NRG1: variants seen among roughly 807,000 people sequenced by gnomAD.
NRG1 encodes the protein neuregulin 1.
NRG1 carries 18 observed loss-of-function variants against 63.8 expected under a neutral mutation model. That is an observed-to-expected ratio of 0.28 (90% CI 0.19 to 0.42). The LOEUF (loss-of-function observed/expected upper bound fraction) is 0.42, where lower values mean the gene tolerates loss of function less well. Among genes scored for constraint, NRG1 ranks in the 10% least tolerant of loss-of-function variants. The probability of loss-of-function intolerance (pLI) is 1.00; values close to 1 mark genes in which losing one functional copy is unlikely to be tolerated. For missense variants in NRG1, 762 were observed against 814.7 expected, an observed-to-expected ratio of 0.94 and a Z score of 0.79; for synonymous variants, 302 against 301.3, an observed-to-expected ratio of 1.00 and a Z score of -0.02.
At chr8:31,827,005 G>A (rs1246796954) in intron 1 of NRG1, among the ~76,000 whole-genome samples, 1 of 152,158 alleles carries the variant, frequency 6.6e-6, no homozygotes, top group African/African-American at 2.4e-5. Context: ...GGCAGGCAGT[G>A]ACCTTAAAAC....
chr8:31,769,660 T>A (rs1299743808), intron 1 of NRG1, among the ~76,000 whole-genome samples: 1 of 151,762 alleles, frequency 6.6e-6, no homozygotes, highest in Non-Finnish European at 1.5e-5. Context: ...CACACAAGAG[T>A]CTCCCAACTT....
At chr8:32,551,000 G>T (rs1330211010) in intron 1 of NRG1, among the ~76,000 whole-genome samples, 1 of 152,176 alleles carries the variant, frequency 6.6e-6, no homozygotes, top group African/African-American at 2.4e-5. Context: ...GATTCAGAAA[G>T]AATGGTCAAC....
chr8:31,750,024 C>T (rs1353404208), intron 1 of NRG1, among the ~76,000 whole-genome samples: 3 of 151,936 alleles, frequency 2.0e-5, no homozygotes, highest in African/African-American at 7.2e-5. Context: ...TCCATTCTCT[C>T]AATACCACCT....
chr8:32,506,480 C>T (rs1232616506), intron 1 of NRG1, among the ~76,000 whole-genome samples: 3 of 152,112 alleles, frequency 2.0e-5, no homozygotes, highest in Non-Finnish European at 4.4e-5. Flanking sequence ...TATGATTTTC[C>T]TCCTTATGAC....
rs182245550 is a variant in NRG1 at position 32,341,574 on chromosome 8, A to G, written c.38-254254A>G. ...ATTACACCAAAGGAGCAGGAACCCA[A>G]TGTCACAGGTCCCCTAACTCCTGCC... On this transcript the variant is annotated intron_variant, in intron 1 of 10. Transcript: ENST00000519301. Among the ~76,000 whole-genome samples the G allele has an allele frequency of 3.8e-3, 578 of 152,300 alleles. 7 individuals carry two copies. The highest frequency in any genetic ancestry group is 5.6e-3 in the Non-Finnish European group (378 of 68,034).
chr8:32,126,827 T>G (rs1396896382), intron 1 of NRG1, among the ~76,000 whole-genome samples: 2 of 151,938 alleles, frequency 1.3e-5, no homozygotes, highest in African/African-American at 4.8e-5. Flanking sequence ...GAGTCTTAGC[T>G]GTGCATTGCC....
chr8:32,478,727 G>C (rs1225130441), intron 1 of NRG1, among the ~76,000 whole-genome samples: 2 of 152,148 alleles, frequency 1.3e-5, no homozygotes, highest in Non-Finnish European at 2.9e-5. Flanking sequence ...CGAGAGCCAA[G>C]GGTTAAACCA....
intron 1 of NRG1, among the ~76,000 whole-genome samples, chr8:32,426,623 G>T (rs990058119): frequency 3.3e-5 from 5 of 152,190 alleles, no homozygotes; most frequent in East Asian, 1.9e-4. Context: ...GTAGACACAG[G>T]CCCTTCTCTC....
At chr8:31,686,090 G>A (rs1808861931) in intron 1 of NRG1, among the ~76,000 whole-genome samples, 1 of 152,042 alleles carries the variant, frequency 6.6e-6, no homozygotes, top group Non-Finnish European at 1.5e-5. Flanking sequence ...TGGATATAAA[G>A]CACTCTTATT....
chr8:32,684,193 T>C (rs1809464483), intron 5 of NRG1, among the ~76,000 whole-genome samples: 1 of 152,142 alleles, frequency 6.6e-6, no homozygotes. Flanking sequence ...GCTCTAGAAT[T>C]CTTAGGGCAT....
At chr8:31,748,226 TAAC>T (rs1462546206) in intron 1 of NRG1, among the ~76,000 whole-genome samples, 1 of 151,988 alleles carries the variant, frequency 6.6e-6, no homozygotes, top group African/African-American at 2.4e-5. Flanking sequence ...TTTATGATAA[TAAC>T]AACAAATACT....
At chr8:31,717,008 G>A (rs938187884) in intron 1 of NRG1, among the ~76,000 whole-genome samples, 5 of 152,182 alleles carry the variant, frequency 3.3e-5, no homozygotes, top group Non-Finnish European at 7.3e-5. Flanking sequence ...GGTAATAAAA[G>A]TCACAACCAA....
At chr8:31,698,855 A>G (rs1810346255) in intron 1 of NRG1, among the ~76,000 whole-genome samples, 1 of 152,232 alleles carries the variant, frequency 6.6e-6, no homozygotes, top group Non-Finnish European at 1.5e-5. Flanking sequence ...AATATGTTAC[A>G]GTACAACCTT....
intron 1 of NRG1, among the ~76,000 whole-genome samples, chr8:31,982,311 A>T (rs1351931791): frequency 6.6e-6 from 1 of 152,084 alleles, no homozygotes; most frequent in Non-Finnish European, 1.5e-5. Context: ...AGTAACATAG[A>T]TTTGAAAAGA....
intron 1 of NRG1, among the ~76,000 whole-genome samples, chr8:32,412,481 G>A (rs1379839989): frequency 1.0e-5 from 1 of 96,648 alleles, no homozygotes; most frequent in East Asian, 2.7e-4. Flanking sequence ...TATATGAACA[G>A]ATACATCCTA....
At chr8:32,436,832 A>C (rs1563462654) in intron 1 of NRG1, among the ~76,000 whole-genome samples, 1 of 152,144 alleles carries the variant, frequency 6.6e-6, no homozygotes, top group Non-Finnish European at 1.5e-5. Flanking sequence ...TAAAAGTTTT[A>C]AAGATAAAGA....
intron 1 of NRG1, among the ~76,000 whole-genome samples, chr8:31,869,358 G>A (rs113602273): frequency 0.012 from 1,822 of 152,170 alleles, 41 homozygotes; most frequent in African/African-American, 0.042. Flanking sequence ...GCATATATGA[G>A]CTGTCACTTG....
At chr8:31,824,070 AGG>A (rs1450140805) in intron 1 of NRG1, among the ~76,000 whole-genome samples, 5 of 151,888 alleles carry the variant, frequency 3.3e-5, no homozygotes, top group Non-Finnish European at 5.9e-5. Flanking sequence ...CACAACGTGC[AGG>A]TTTGTTACAT....
At chr8:31,879,013 C>T (rs888395729) in intron 1 of NRG1, among the ~76,000 whole-genome samples, 1 of 151,530 alleles carries the variant, frequency 6.6e-6, no homozygotes, top group Admixed American at 6.6e-5. Flanking sequence ...AAAAAAAAAA[C>T]AAACAAACAA....
Sources: gnomAD v4.1 joint callset for allele counts (sites outside exome capture counted in the v4.1 genomes callset) on GRCh38, gnomAD v4.1.1 for gene constraint, MANE v1.5 for transcripts, NCBI Gene and HGNC (gene_info 2026-07-23, HGNC 2026-07-21) for gene names.